The following DGKG variants were observed in gnomAD, a reference collection of about 807,000 sequenced individuals.
DGKG encodes diacylglycerol kinase gamma.
DGKG carries 78 observed loss-of-function variants against 105.3 expected under a neutral mutation model. That is an observed-to-expected ratio of 0.74 (90% CI 0.62 to 0.89). The LOEUF (loss-of-function observed/expected upper bound fraction) is 0.89, where lower values mean the gene tolerates loss of function less well. DGKG is among the 40% of genes least tolerant of loss of function. The probability of loss-of-function intolerance (pLI) is 0.00; values close to 1 mark genes in which losing one functional copy is unlikely to be tolerated. For synonymous variants in DGKG, 346 were observed against 367.1 expected, an observed-to-expected ratio of 0.94 and a Z score of 0.66; for missense variants, 958 against 1,020.1, an observed-to-expected ratio of 0.94 and a Z score of 0.83.
rs572581921 is a variant in DGKG, at chr3:186,149,429, T to A, written c.*661A>T. ...AAACATGTAGACACCAGGAGAAGGT[T>A]CCTGGAAAATAACAAGTGCCCACCG... is the stretch of plus-strand genomic sequence containing the variant. On this transcript the variant is annotated 3_prime_UTR_variant, in exon 25 of 25. Coordinates refer to ENST00000265022, the MANE Select transcript of DGKG (RefSeq NM_001346.3). The A allele has an allele frequency of 3.4e-3, 3,320 of 985,378 alleles. 14 individuals carry two copies. The highest frequency in any genetic ancestry group is 0.011 in the Middle Eastern group (21 of 1,914). The allele number at this position is 985,378 out of a possible 1,614,324, so 61.0% of individuals were successfully genotyped here.
chr3:186,258,581 G>C (rs1403437018), intron 16 of DGKG, among the ~76,000 whole-genome samples: 4 of 152,148 alleles, frequency 2.6e-5, no homozygotes, highest in South Asian at 4.1e-4. Context: ...ACAGACCACA[G>C]AGGTTGGAAC....
chr3:186,179,269 G>C (rs1054508369), intron 22 of DGKG, among the ~76,000 whole-genome samples: 1 of 152,200 alleles, frequency 6.6e-6, no homozygotes, highest in Non-Finnish European at 1.5e-5. Context: ...ATTGCCTATG[G>C]TGGTTTTCAT....
At position 186,222,867 on chromosome 3, in the gene DGKG, G is replaced by T. The variant is rs187776968; in HGVS notation, c.1827-10982C>A. ...GTGGCGGGTGCATGTATTCTGAGCTGCTTGGGAGGCTGAGGCAGGAGAATT... is the reference window on the plus strand; with the variant it reads ...GTGGCGGGTGCATGTATTCTGAGCTTCTTGGGAGGCTGAGGCAGGAGAATT... On this transcript the variant is annotated intron_variant, in intron 20 of 24. Coordinates refer to ENST00000265022, the MANE Select transcript of DGKG (RefSeq NM_001346.3). Among the ~76,000 whole-genome samples the T allele has an allele frequency of 2.3e-3, 352 of 150,744 alleles. 6 individuals are homozygous for T. Among genetic ancestry groups the T allele is most frequent in the African/African-American group, 8.1e-3 (334 of 41,232 alleles).
Position 186,210,581 on chromosome 3 carries a change from A to G in DGKG, c.1917+1214T>C. ...GCAGATGAGTCAAATGCAGCCGCAC[A>G]GAACCTCTGGCTTCGTGTTTTGTTT... On this transcript the variant is annotated intron_variant, in intron 21 of 24. Coordinates refer to ENST00000265022, the MANE Select transcript of DGKG (RefSeq NM_001346.3). This position sits in a 1 kb window ranked among gnomAD's most constrained non-coding sequence, Gnocchi z 5.2. The G allele has an allele frequency of 2.2e-6, 1 of 454,092 alleles. No homozygotes were observed. Among genetic ancestry groups the G allele is most frequent in the South Asian group, 1.6e-5 (1 of 64,484 alleles). The allele number at this position is 454,092 out of a possible 1,614,324, so 28.1% of individuals were successfully genotyped here.
chr3:186,294,847 A>G (rs1223755327), intron 5 of DGKG, among the ~76,000 whole-genome samples: 1 of 152,148 alleles, frequency 6.6e-6, no homozygotes, highest in East Asian at 1.9e-4. Flanking sequence ...TGGGCAGGGC[A>G]TGGACGAGCC....
intron 22 of DGKG, among the ~76,000 whole-genome samples, chr3:186,183,125 T>G (rs1717437625): frequency 6.6e-6 from 1 of 152,216 alleles, no homozygotes; most frequent in Non-Finnish European, 1.5e-5. Context: ...TACTTCCTAT[T>G]TCCTGAGTGC....
intron 20 of DGKG, among the ~76,000 whole-genome samples, chr3:186,223,192 C>T (rs1262493251): frequency 6.6e-6 from 1 of 151,206 alleles, no homozygotes; most frequent in African/African-American, 2.4e-5. Context: ...CCTCAACTTC[C>T]TGGGAAAGAA....
intron 20 of DGKG, among the ~76,000 whole-genome samples, chr3:186,232,391 G>A (rs553361941): frequency 6.6e-6 from 1 of 152,252 alleles, no homozygotes; most frequent in Non-Finnish European, 1.5e-5. Flanking sequence ...AGCGCTGAGT[G>A]TTTATTTCTT....
At chr3:186,164,409 C>T (rs1245753996) in intron 23 of DGKG, among the ~76,000 whole-genome samples, 1 of 152,208 alleles carries the variant, frequency 6.6e-6, no homozygotes, top group African/African-American at 2.4e-5. Context: ...GTCATCCTGT[C>T]TGTCAATTAT....
At chr3:186,191,809 A>G (rs1717921219) in intron 21 of DGKG, among the ~76,000 whole-genome samples, 1 of 152,208 alleles carries the variant, frequency 6.6e-6, no homozygotes. Flanking sequence ...TCCTGAAAGC[A>G]TAGGCTCAAC....
intron 21 of DGKG, among the ~76,000 whole-genome samples, chr3:186,204,148 C>T (rs928140311): frequency 3.9e-5 from 6 of 152,142 alleles, no homozygotes; most frequent in African/African-American, 1.4e-4. Flanking sequence ...GTGGCTGATG[C>T]CTGTAATCCC....
intron 20 of DGKG, among the ~76,000 whole-genome samples, chr3:186,220,052 T>C (rs1460841804): frequency 1.3e-5 from 2 of 152,260 alleles, no homozygotes; most frequent in African/African-American, 2.4e-5. Context: ...AAAGACAGCA[T>C]AGGCTAACTA....
chr3:186,231,379 A>G lies in DGKG; in HGVS notation c.1826+11125T>C, dbSNP rs1720143226. 6.6e-6 allele frequency among the ~76,000 whole-genome samples: 1 copy of G among 152,106 alleles called. No homozygotes were observed. The highest frequency in any genetic ancestry group is 2.1e-4 in the South Asian group (1 of 4,820). On this transcript the variant is annotated intron_variant, in intron 20 of 24. Coordinates refer to ENST00000265022, the MANE Select transcript of DGKG (RefSeq NM_001346.3). The surrounding 1 kb of genome is among the most constrained non-coding windows in gnomAD (Gnocchi z 4.5). ...AGGTGTGAATCGTAGCTTCTCTAGT[A>G]ACTAGTGTGGTCTTGAGCAAGTTGC... is the stretch of plus-strand genomic sequence containing the variant.
At chr3:186,200,558 A>C (rs1718403080) in intron 21 of DGKG, among the ~76,000 whole-genome samples, 1 of 152,170 alleles carries the variant, frequency 6.6e-6, no homozygotes, top group Admixed American at 6.5e-5. Context: ...GTGGAGTGGT[A>C]AGTGGAACTA....
At chr3:186,160,139 A>T in intron 24 of DGKG, 6 of 961,444 alleles carry the variant, frequency 6.2e-6, no homozygotes, top group Non-Finnish European at 7.4e-6. Flanking sequence ...TGGGCCTCAC[A>T]CTATGAAATC....
At position 186,226,209 on chromosome 3, in the gene DGKG, C is replaced by A. The variant is rs1397833819; in HGVS notation, c.1827-14324G>T. Among the ~76,000 whole-genome samples the A allele has an allele frequency of 6.6e-6, 1 of 152,164 alleles. No homozygotes were observed. Among genetic ancestry groups the A allele is most frequent in the East Asian group, 1.9e-4 (1 of 5,198 alleles). On this transcript the variant is annotated intron_variant, in intron 20 of 24. Transcript: ENST00000265022. The surrounding 1 kb of genome is among the most constrained non-coding windows in gnomAD (Gnocchi z 4.2). Reference sequence around the variant, plus strand: ...ATTGTGAATTTTAAGATTATACCACCAAGGCTTGATTATTAAGGGACAAAT... The same window carrying A: ...ATTGTGAATTTTAAGATTATACCACAAAGGCTTGATTATTAAGGGACAAAT...
At chr3:186,172,179 A>T (rs557484153) in intron 22 of DGKG, among the ~76,000 whole-genome samples, 1 of 152,174 alleles carries the variant, frequency 6.6e-6, no homozygotes, top group Non-Finnish European at 1.5e-5. Flanking sequence ...TGAAAATTCA[A>T]TCAATCATTT....
chr3:186,264,166 G>A (rs6444120), intron 14 of DGKG, among the ~76,000 whole-genome samples: 25 of 152,170 alleles, frequency 1.6e-4, no homozygotes, highest in African/African-American at 5.8e-4. Flanking sequence ...ATATGCATGC[G>A]CCTGTGTGTG....
At chr3:186,280,612 GTCCCCC>G in intron 8 of DGKG, 52 bp downstream of exon 8, 2 of 1,350,790 alleles carry the variant, frequency 1.5e-6, no homozygotes, top group Non-Finnish European at 2.1e-6. Flanking sequence ...TCTTGAGTGT[GTCCCCC>G]TCCCGTCTTA....
Sources: allele counts gnomAD v4.1 joint callset (sites outside exome capture counted in the v4.1 genomes callset), GRCh38; gene constraint gnomAD v4.1.1; non-coding constraint Gnocchi (gnomAD v3.1); transcripts MANE v1.5; gene names NCBI Gene and HGNC (gene_info 2026-07-23, HGNC 2026-07-21).